LRRTM3: variants seen among roughly 807,000 people sequenced by gnomAD.
LRRTM3 encodes leucine-rich repeat transmembrane neuronal protein 3.
LRRTM3 carries 24 observed loss-of-function variants against 44.7 expected under a neutral mutation model. The ratio of observed to expected loss-of-function variants is 0.54; its 90% CI spans 0.39 to 0.76. The LOEUF (loss-of-function observed/expected upper bound fraction) is 0.76, where lower values mean the gene tolerates loss of function less well. LRRTM3 is among the 30% of genes least tolerant of loss of function. LRRTM3 has a pLI of 0.00. For synonymous variants in LRRTM3, 277 were observed against 278.7 expected, an observed-to-expected ratio of 0.99 and a Z score of 0.06; for missense variants, 587 against 702.2, an observed-to-expected ratio of 0.84 and a Z score of 1.85.
rs566784786 is a variant in LRRTM3 at position 66,967,325 on chromosome 10, G to A, written c.1536+38873G>A. ...ATAGGTATAGATAGATATAGATATG[G>A]ATATAGACATATATATATATAGATA... On this transcript the variant is annotated intron_variant, in intron 2 of 2. Coordinates refer to ENST00000361320, the MANE Select transcript of LRRTM3 (RefSeq NM_178011.5). Among the ~76,000 whole-genome samples the A allele has an allele frequency of 8.2e-5, 12 of 146,584 alleles. No individual in the cohort carries two copies. In the East Asian group the frequency reaches 2.2e-3, roughly 26 times the overall value.
intron 2 of LRRTM3, among the ~76,000 whole-genome samples, chr10:67,059,875 A>G (rs1447902728): frequency 6.6e-6 from 1 of 152,206 alleles, no homozygotes; most frequent in Non-Finnish European, 1.5e-5. Flanking sequence ...TCATTTTGCA[A>G]TGAAGATATG....
At chr10:67,085,257 T>A (rs968565779) in intron 2 of LRRTM3, among the ~76,000 whole-genome samples, 1 of 151,952 alleles carries the variant, frequency 6.6e-6, no homozygotes, top group African/African-American at 2.4e-5. Flanking sequence ...TATATGTGGC[T>A]GATCACATAA....
chr10:67,059,015 C>T (rs928627167), intron 2 of LRRTM3, among the ~76,000 whole-genome samples: 1 of 152,146 alleles, frequency 6.6e-6, no homozygotes, highest in Non-Finnish European at 1.5e-5. Flanking sequence ...TTAAATTCTG[C>T]TAATGCAGCC....
intron 2 of LRRTM3, among the ~76,000 whole-genome samples, chr10:67,035,521 G>GT (rs1375084857): frequency 2.6e-5 from 4 of 152,072 alleles, no homozygotes; most frequent in Admixed American, 1.3e-4. Context: ...AAGTTTACTT[G>GT]TTTTTTAATG....
At chr10:67,006,264 T>C (rs1851981878) in intron 2 of LRRTM3, among the ~76,000 whole-genome samples, 1 of 152,122 alleles carries the variant, frequency 6.6e-6, no homozygotes, top group Admixed American at 6.5e-5. Flanking sequence ...CTCTCTTCTC[T>C]ACATCACACC....
chr10:66,926,678 A>G, intron 1 of LRRTM3, 91 bp downstream of exon 1: 1 of 1,430,154 alleles, frequency 7.0e-7, no homozygotes, highest in Non-Finnish European at 9.8e-7. Flanking sequence ...ATTATTTTAG[A>G]GATTACCTTG....
At chr10:67,084,343 A>C (rs1378637900) in intron 2 of LRRTM3, among the ~76,000 whole-genome samples, 1 of 152,096 alleles carries the variant, frequency 6.6e-6, no homozygotes, top group Admixed American at 6.5e-5. Context: ...CTGTTGGGCA[A>C]CAGTCACTAA....
intron 2 of LRRTM3, among the ~76,000 whole-genome samples, chr10:66,993,528 AT>A: frequency 6.6e-6 from 1 of 152,220 alleles, no homozygotes; most frequent in East Asian, 1.9e-4. Context: ...CTTCAACACC[AT>A]TTTGGACCCT....
At chr10:66,994,477 C>A (rs1004787009) in intron 2 of LRRTM3, among the ~76,000 whole-genome samples, 3 of 152,148 alleles carry the variant, frequency 2.0e-5, no homozygotes, top group Non-Finnish European at 2.9e-5. Context: ...CAAATATCTG[C>A]AATTCCTAGT....
At chr10:67,044,033 AT>A (rs1304995875) in intron 2 of LRRTM3, among the ~76,000 whole-genome samples, 1 of 151,850 alleles carries the variant, frequency 6.6e-6, no homozygotes, top group African/African-American at 2.4e-5. Flanking sequence ...GACACAAATG[AT>A]CCCATCACCC....
chr10:66,931,353 T>C (rs1349168125), intron 2 of LRRTM3, among the ~76,000 whole-genome samples: 3 of 152,328 alleles, frequency 2.0e-5, no homozygotes, highest in African/African-American at 7.2e-5. Context: ...TACCACAGCA[T>C]GTAGTTAAAT....
chr10:66,962,219 G>A (rs1849148511), intron 2 of LRRTM3, among the ~76,000 whole-genome samples: 2 of 151,924 alleles, frequency 1.3e-5, no homozygotes, highest in African/African-American at 4.8e-5. Flanking sequence ...ATGCCTCAAG[G>A]CCTAACAGAA....
chr10:66,983,122 G>A (rs1367981824), intron 2 of LRRTM3, among the ~76,000 whole-genome samples: 1 of 152,178 alleles, frequency 6.6e-6, no homozygotes, highest in Non-Finnish European at 1.5e-5. Context: ...CACAAAGTCA[G>A]CAGGACTTAA....
At chr10:66,972,066 C>G (rs1175387962) in intron 2 of LRRTM3, among the ~76,000 whole-genome samples, 2 of 152,246 alleles carry the variant, frequency 1.3e-5, no homozygotes, top group Admixed American at 1.3e-4. Flanking sequence ...ATCTTGAACT[C>G]TACACTCCAC....
intron 2 of LRRTM3, among the ~76,000 whole-genome samples, chr10:67,065,671 C>T (rs2133234485): frequency 6.6e-6 from 1 of 152,110 alleles, no homozygotes; most frequent in East Asian, 1.9e-4. Context: ...ATGCCCTTTC[C>T]CCAAGCATGA....
chr10:66,937,641 TCCTCAG>T (rs1302850058), intron 2 of LRRTM3, among the ~76,000 whole-genome samples: 2 of 152,094 alleles, frequency 1.3e-5, no homozygotes, highest in Non-Finnish European at 2.9e-5. Context: ...AAAACCAATG[TCCTCAG>T]CCTCCCAACA....
intron 2 of LRRTM3, among the ~76,000 whole-genome samples, chr10:66,942,469 A>G (rs1271308393): frequency 6.6e-6 from 1 of 152,100 alleles, no homozygotes; most frequent in Non-Finnish European, 1.5e-5. Context: ...GTAATTCAAC[A>G]TCATTTCCAT....
In LRRTM3 at chr10:66,941,598, G is replaced by T. The variant is rs574667180; in HGVS notation, c.1536+13146G>T. Among the ~76,000 whole-genome samples the T allele has an allele frequency of 1.2e-4, 19 of 152,228 alleles. 1 individual carries two copies. The South Asian group carries it at 3.7e-3, about 30-fold the overall frequency. ...TGAAAAAAAATCAAAGGCCATAAAAGCTATTTGTCAAATAAACTGCAGAAC... is the reference window on the plus strand; with the variant it reads ...TGAAAAAAAATCAAAGGCCATAAAATCTATTTGTCAAATAAACTGCAGAAC... On this transcript the variant is annotated intron_variant, in intron 2 of 2. Coordinates refer to ENST00000361320, the MANE Select transcript of LRRTM3 (RefSeq NM_178011.5).
chr10:66,945,014 T>A (rs1848207998), intron 2 of LRRTM3, among the ~76,000 whole-genome samples: 1 of 152,260 alleles, frequency 6.6e-6, no homozygotes, highest in Non-Finnish European at 1.5e-5. Flanking sequence ...TGATTTAGCA[T>A]CATTCTTAAG....
Sources: allele counts gnomAD v4.1 joint callset (sites outside exome capture counted in the v4.1 genomes callset), GRCh38; gene constraint gnomAD v4.1.1; transcripts MANE v1.5; gene names NCBI Gene and HGNC (gene_info 2026-07-23, HGNC 2026-07-21).